The following PDZRN3 variants were observed in gnomAD, a reference collection of about 807,000 sequenced individuals.
PDZRN3 encodes E3 ubiquitin-protein ligase PDZRN3.
Under a neutral mutation model 85.7 loss-of-function variants are expected in PDZRN3, and 38 were observed. The observed-to-expected ratio is 0.44, with a 90% confidence interval of 0.34 to 0.58. The LOEUF (loss-of-function observed/expected upper bound fraction) is 0.58, where lower values mean the gene tolerates loss of function less well. Among genes scored for constraint, PDZRN3 ranks in the 20% least tolerant of loss-of-function variants. PDZRN3 has a pLI of 0.01. For synonymous variants in PDZRN3, 759 were observed against 638.0 expected, an observed-to-expected ratio of 1.19 and a Z score of -2.86; for missense variants, 1,629 against 1,506.4, an observed-to-expected ratio of 1.08 and a Z score of -1.35.
intron 1 of PDZRN3, among the ~76,000 whole-genome samples, chr3:73,616,839 G>A (rs1702770158): frequency 6.6e-6 from 1 of 152,092 alleles, no homozygotes; most frequent in Admixed American, 6.5e-5. Flanking sequence ...TTAGAGGTGA[G>A]GCAATTAAGG....
intron 3 of PDZRN3, among the ~76,000 whole-genome samples, chr3:73,491,045 C>A (rs1038311447): frequency 2.6e-5 from 4 of 152,236 alleles, no homozygotes; most frequent in African/African-American, 9.6e-5. Context: ...CAGGAAAGCT[C>A]AGGGAGGCTG....
At chr3:73,459,271 G>A (rs1231875686) in intron 3 of PDZRN3, among the ~76,000 whole-genome samples, 1 of 152,156 alleles carries the variant, frequency 6.6e-6, no homozygotes, top group East Asian at 1.9e-4. Context: ...AACACATGGG[G>A]ATTATAATTC....
At chr3:73,457,775 C>T (rs1703017322) in intron 3 of PDZRN3, among the ~76,000 whole-genome samples, 1 of 152,098 alleles carries the variant, frequency 6.6e-6, no homozygotes, top group Non-Finnish European at 1.5e-5. Context: ...TTCTAAGAGG[C>T]CCCAGAAAGC....
At chr3:73,464,111 T>C (rs1448119408) in intron 3 of PDZRN3, among the ~76,000 whole-genome samples, 4 of 152,104 alleles carry the variant, frequency 2.6e-5, no homozygotes, top group Non-Finnish European at 4.4e-5. Context: ...TCAGCCTCCA[T>C]AGTAGCTGGG....
intron 3 of PDZRN3, among the ~76,000 whole-genome samples, chr3:73,439,831 C>T (rs1466173016): frequency 2.7e-5 from 4 of 150,486 alleles, no homozygotes; most frequent in African/African-American, 9.8e-5. Context: ...CTCCACCTCC[C>T]AGGTTCAAGC....
intron 8 of PDZRN3, 57 bp downstream of exon 8, chr3:73,387,911 G>T: frequency 2.5e-6 from 2 of 804,004 alleles, no homozygotes; most frequent in South Asian, 1.8e-5. Flanking sequence ...TGCAGGCCTG[G>T]GGATCTTTTG....
intron 1 of PDZRN3, among the ~76,000 whole-genome samples, chr3:73,615,452 C>A (rs1702747335): frequency 6.6e-6 from 1 of 152,118 alleles, no homozygotes; most frequent in African/African-American, 2.4e-5. Flanking sequence ...GTTTATGTGC[C>A]CTCAAAATTC....
chr3:73,388,615 ATGTCCTGGTGACTTTGAGCCCTGC>A (rs1701449352), intron 7 of PDZRN3, among the ~76,000 whole-genome samples: 1 of 151,998 alleles, frequency 6.6e-6, no homozygotes, highest in African/African-American at 2.4e-5. Context: ...TTTTGCTTGC[ATGTCCTGGTGACTTTGAGCCCTGC>A]TGGTCTGGAG....
chr3:73,383,267 A>C lies in PDZRN3; in HGVS notation c.*98T>G, dbSNP rs1576011943. ...TTTGGACTATAAACATGAAGACCGT[A>C]CTTATCTTATATACAAAAACTTGCC... is the stretch of plus-strand genomic sequence containing the variant. On this transcript the variant is annotated 3_prime_UTR_variant, in exon 10 of 10. Transcript: ENST00000263666. 8.8e-7 allele frequency: 1 copy of C among 1,136,840 alleles called. No homozygotes were observed. 70.4% of individuals were successfully genotyped at this position (1,136,840 alleles called of 1,614,324 possible). A position where few individuals can be genotyped will look rare whatever the true frequency, so the allele number is the denominator to read the frequency against.
intron 5 of PDZRN3, among the ~76,000 whole-genome samples, chr3:73,394,136 A>G (rs778807972): frequency 4.6e-5 from 7 of 152,194 alleles, no homozygotes; most frequent in African/African-American, 7.2e-5. Flanking sequence ...TTGCTTTAAG[A>G]TATTTTCATC....
At chr3:73,429,108 A>G (rs1702378687) in intron 3 of PDZRN3, among the ~76,000 whole-genome samples, 1 of 151,966 alleles carries the variant, frequency 6.6e-6, no homozygotes, top group Non-Finnish European at 1.5e-5. Flanking sequence ...ATGGGATCTC[A>G]TCAAGTTGCC....
chr3:73,428,899 T>C (rs547381060), intron 3 of PDZRN3, among the ~76,000 whole-genome samples: 1 of 151,848 alleles, frequency 6.6e-6, no homozygotes, highest in East Asian at 1.9e-4. Flanking sequence ...GGCTTGTTTT[T>C]TTTTTCCCCC....
At chr3:73,385,258 A>C (rs1701346383) in intron 9 of PDZRN3, among the ~76,000 whole-genome samples, 1 of 152,210 alleles carries the variant, frequency 6.6e-6, no homozygotes, top group Non-Finnish European at 1.5e-5. Flanking sequence ...TGTTCAACTC[A>C]ATAAGGACTC....
chr3:73,496,320 C>T (rs905797837), intron 3 of PDZRN3, among the ~76,000 whole-genome samples: 1 of 152,084 alleles, frequency 6.6e-6, no homozygotes, highest in African/African-American at 2.4e-5. Flanking sequence ...TTATGTTTAT[C>T]TTTCCTTTGA....
chr3:73,443,386 T>A (rs1373317275), intron 3 of PDZRN3, among the ~76,000 whole-genome samples: 1 of 152,140 alleles, frequency 6.6e-6, no homozygotes, highest in Non-Finnish European at 1.5e-5. Flanking sequence ...CCCACTTCCA[T>A]ATTTGTGCAT....
intron 3 of PDZRN3, among the ~76,000 whole-genome samples, chr3:73,528,417 G>A (rs2106747676): frequency 6.6e-6 from 1 of 152,272 alleles, no homozygotes. Context: ...GCAATATACA[G>A]GGGAGCACTG....
At chr3:73,595,422 CAT>C (rs1702417347) in intron 3 of PDZRN3, among the ~76,000 whole-genome samples, 1 of 152,102 alleles carries the variant, frequency 6.6e-6, no homozygotes, top group African/African-American at 2.4e-5. Context: ...AGTATAGCCT[CAT>C]GTGTTTATTT....
intron 3 of PDZRN3, among the ~76,000 whole-genome samples, chr3:73,407,040 T>G (rs772600659): frequency 6.6e-6 from 1 of 152,162 alleles, no homozygotes; most frequent in African/African-American, 2.4e-5. Flanking sequence ...TGGGGGAGAT[T>G]TGAGGTGTGG....
At chr3:73,579,891 C>T (rs1702174173) in intron 3 of PDZRN3, among the ~76,000 whole-genome samples, 2 of 152,120 alleles carry the variant, frequency 1.3e-5, no homozygotes, top group Admixed American at 1.3e-4. Context: ...TTAGACTAAG[C>T]TCCTTCAGAC....
Sources: allele counts gnomAD v4.1 joint callset (sites outside exome capture counted in the v4.1 genomes callset), GRCh38; gene constraint gnomAD v4.1.1; transcripts MANE v1.5; gene names NCBI Gene and HGNC (gene_info 2026-07-23, HGNC 2026-07-21).